The following NSRP1 variants were observed in gnomAD, a reference collection of about 807,000 sequenced individuals.
NSRP1 encodes the protein coiled-coil domain containing 55.
NSRP1 carries 24 observed loss-of-function variants against 54.7 expected under a neutral mutation model. The observed-to-expected ratio is 0.44, with a 90% confidence interval of 0.32 to 0.62. The LOEUF is 0.62. Ranked by LOEUF, NSRP1 falls within the 20% of genes least tolerant of loss-of-function variation. The pLI is 0.06. For missense variants in NSRP1, 596 were observed against 651.2 expected, an observed-to-expected ratio of 0.92 and a Z score of 0.92; for synonymous variants, 210 against 213.8, an observed-to-expected ratio of 0.98 and a Z score of 0.15.
At chr17:30,132,936 T>C (rs2071714516) in intron 2 of NSRP1, among the ~76,000 whole-genome samples, 2 of 152,168 alleles carry the variant, frequency 1.3e-5, no homozygotes, top group Non-Finnish European at 2.9e-5. Context: ...GTAGAGTTTA[T>C]GAAATGTATT....
At chr17:30,135,535 G>A (rs1210621808) in intron 2 of NSRP1, among the ~76,000 whole-genome samples, 4 of 151,702 alleles carry the variant, frequency 2.6e-5, no homozygotes, top group East Asian at 2.0e-4. Flanking sequence ...GTGCAGTGGC[G>A]CGATCTCGGC....
intron 2 of NSRP1, chr17:30,122,349 T>TGTGTGTGTGTGTATA (rs1481107161): frequency 4.1e-5 from 3 of 72,306 alleles, no homozygotes; most frequent in African/African-American, 1.7e-4. Context: ...ATAACTCTGG[T>TGTGTGTGTGTGTATA]TTCATATATA....
At chr17:30,157,527 T>G (rs1253062743) in intron 2 of NSRP1, among the ~76,000 whole-genome samples, 2 of 152,198 alleles carry the variant, frequency 1.3e-5, no homozygotes, top group Admixed American at 6.5e-5. Flanking sequence ...CACCTTAGTC[T>G]GCTATCAAAC....
At chr17:30,137,800 GTAT>G (rs1038851669) in intron 2 of NSRP1, among the ~76,000 whole-genome samples, 2 of 151,988 alleles carry the variant, frequency 1.3e-5, no homozygotes, top group African/African-American at 2.4e-5. Context: ...TAGTCTTGGT[GTAT>G]TATTCTTTAA....
intron 2 of NSRP1, among the ~76,000 whole-genome samples, chr17:30,132,796 G>A (rs368751495): frequency 6.8e-4 from 103 of 152,326 alleles, no homozygotes; most frequent in African/African-American, 2.4e-3. Flanking sequence ...CCAAACTCAT[G>A]TTAATGATGT....
intron 2 of NSRP1, among the ~76,000 whole-genome samples, chr17:30,140,767 A>T (rs2071797490): frequency 6.6e-6 from 1 of 151,910 alleles, no homozygotes; most frequent in African/African-American, 2.4e-5. Context: ...TGACCTCGTG[A>T]TCCGCACTCC....
chr17:30,164,570 G>A (rs1359519766), intron 2 of NSRP1, among the ~76,000 whole-genome samples: 1 of 152,160 alleles, frequency 6.6e-6, no homozygotes, highest in Non-Finnish European at 1.5e-5. Context: ...GCAAAGGCGG[G>A]AGGATTGCTT....
chr17:30,123,974 T>G (rs1345246947), intron 2 of NSRP1, among the ~76,000 whole-genome samples: 1 of 152,124 alleles, frequency 6.6e-6, no homozygotes, highest in Non-Finnish European at 1.5e-5. Context: ...TGGTATACTG[T>G]GTAACACAAA....
intron 2 of NSRP1, among the ~76,000 whole-genome samples, chr17:30,127,301 C>T (rs1567789951): frequency 2.0e-5 from 3 of 152,168 alleles, no homozygotes; most frequent in Admixed American, 6.5e-5. Context: ...AATGAATTTT[C>T]CTTTTAATGT....
At chr17:30,151,778 T>C (rs904541044) in intron 2 of NSRP1, among the ~76,000 whole-genome samples, 2 of 148,482 alleles carry the variant, frequency 1.3e-5, no homozygotes, top group African/African-American at 2.5e-5. Context: ...CACTTTCTTT[T>C]TTTTTTTTTT....
intron 2 of NSRP1, among the ~76,000 whole-genome samples, chr17:30,161,737 T>G (rs1183979281): frequency 6.6e-6 from 1 of 152,178 alleles, no homozygotes; most frequent in Admixed American, 6.6e-5. Context: ...ATAATTTTTC[T>G]TTTGTTCATA....
chr17:30,162,134 C>T (rs1036357716), intron 2 of NSRP1, among the ~76,000 whole-genome samples: 1 of 151,926 alleles, frequency 6.6e-6, no homozygotes, highest in East Asian at 1.9e-4. Flanking sequence ...AGGTGATTCT[C>T]CTGCCTCAGC....
chr17:30,136,607 G>A (rs2151884479), intron 2 of NSRP1, among the ~76,000 whole-genome samples: 1 of 151,990 alleles, frequency 6.6e-6, no homozygotes, highest in Admixed American at 6.5e-5. Flanking sequence ...TTGCTTCCTG[G>A]GTGACAGCAT....
intron 2 of NSRP1, among the ~76,000 whole-genome samples, chr17:30,136,527 C>T (rs2071752532): frequency 1.3e-5 from 2 of 152,076 alleles, no homozygotes; most frequent in Admixed American, 1.3e-4. Context: ...ATCTAAGCTG[C>T]TTTGATATTG....
At chr17:30,153,526 G>A (rs531676775) in intron 2 of NSRP1, among the ~76,000 whole-genome samples, 13 of 152,050 alleles carry the variant, frequency 8.5e-5, no homozygotes, top group Admixed American at 4.6e-4. Flanking sequence ...CTACCTTCTG[G>A]TTGTCTTCTC....
rs1332730150 is a variant in NSRP1, at chr17:30,184,839, A to G, written c.842A>G (p.Lys281Arg). The change falls in exon 7 of 7, where the codon AAG becomes AGG. Residue 281 changes from lysine (K) to arginine (R), a missense_variant. Physicochemically the swap from Lys to Arg is conservative, Grantham distance 26. Coordinates refer to ENST00000247026, the MANE Select transcript of NSRP1 (RefSeq NM_032141.4). ...ATAGAGACCCCTGAGAATGACTTCA[A>G]GCACCACAGGAGTCAAAACCACTCT... is the stretch of plus-strand genomic sequence containing the variant. ...KVIETPENDF[K>R]HHRSQNHSRS... The G allele has an allele frequency of 5.6e-6, 9 of 1,614,154 alleles. No homozygotes were observed. The highest frequency in any genetic ancestry group is 1.1e-5 in the South Asian group (1 of 91,078).
rs917437134 is a variant in NSRP1, at chr17:30,116,818, C to G, written c.-26C>G. 1.5e-5 allele frequency: 23 copies of G among 1,567,962 alleles called. No individual in the cohort carries two copies. The highest frequency in any genetic ancestry group is 1.9e-5 in the Non-Finnish European group (22 of 1,156,036). On this transcript the variant is annotated 5_prime_UTR_variant, in exon 1 of 7. Transcript: ENST00000247026. Reference sequence around the variant, plus strand: ...GGCGTCAGCGTCACGGAGGCGTCGGCCACGTTCAGCGGACACGGGAGCAAG... The same window carrying G: ...GGCGTCAGCGTCACGGAGGCGTCGGGCACGTTCAGCGGACACGGGAGCAAG...
intron 2 of NSRP1, among the ~76,000 whole-genome samples, chr17:30,142,339 G>A (rs568975699): frequency 4.6e-5 from 7 of 151,698 alleles, no homozygotes; most frequent in African/African-American, 1.7e-4. Context: ...TTTTAGAGAC[G>A]GGGCAGGGGT....
intron 2 of NSRP1, among the ~76,000 whole-genome samples, chr17:30,170,285 C>A (rs1304294826): frequency 1.3e-5 from 2 of 152,110 alleles, no homozygotes; most frequent in African/African-American, 2.4e-5. Flanking sequence ...AGCAAATTAA[C>A]ATGTCCATTA....
Sources: allele counts gnomAD v4.1 joint callset (sites outside exome capture counted in the v4.1 genomes callset), GRCh38; gene constraint gnomAD v4.1.1; transcripts MANE v1.5; gene names NCBI Gene and HGNC (gene_info 2026-07-23, HGNC 2026-07-21).